The following NBPF20 variants were observed in gnomAD, a reference collection of about 807,000 sequenced individuals.
NBPF20 encodes the protein NBPF member 20, also known as NBPF family member NBPF20.
Under a neutral mutation model 68.1 loss-of-function variants are expected in NBPF20, and 90 were observed. The observed-to-expected ratio is 1.32, with a 90% CI of 1.11 to 1.58. NBPF20 has a LOEUF of 1.58. Among genes scored for constraint, NBPF20 ranks in the 40% most tolerant of loss-of-function variants. The pLI, the probability that NBPF20 is intolerant of heterozygous loss-of-function variation, is 0.00. For missense variants in NBPF20, 816 were observed against 601.2 expected, an observed-to-expected ratio of 1.36 and a Z score of -3.74; for synonymous variants, 290 against 228.1, an observed-to-expected ratio of 1.27 and a Z score of -2.45.
exon 138 of NBPF20, chr1:145,290,250 T>C (rs1450065191): frequency 6.7e-6 from 1 of 149,028 alleles, no homozygotes; most frequent in African/African-American, 2.6e-5. Flanking sequence ...TTTATACTCT[T>C]GAAAACCGCT....
chr1:145,420,658 CCAGGACACCCT>C, the NBPF20 span, among the ~76,000 whole-genome samples: 2 of 94,552 alleles, frequency 2.1e-5, no homozygotes, highest in African/African-American at 4.3e-5. Context: ...CACTGAAGCT[CCAGGACACCCT>C]CAGGAGGACG....
chr1:145,403,771 T>A (rs371149913), intron 2 of NBPF20, among the ~76,000 whole-genome samples: 10 of 151,414 alleles, frequency 6.6e-5, no homozygotes, highest in South Asian at 2.1e-4. Context: ...GAAAGATTTT[T>A]AAAATCTTTG....
At chr1:145,410,145 A>G (rs1171425633), upstream of NBPF20, among the ~76,000 whole-genome samples, 2 of 151,992 alleles carry the variant, frequency 1.3e-5, no homozygotes, top group African/African-American at 4.8e-5. Flanking sequence ...TCCTACAAGT[A>G]TAAGACTTCC....
rs1352917751 is a variant in NBPF20, at chr1:145,291,852, G to A, written c.16698-83C>T. The A allele has an allele frequency of 5.0e-6, 8 of 1,607,922 alleles. No individual in the cohort carries two copies. The African/African-American group carries it at 8.1e-5, about 16-fold the overall frequency. On this transcript the variant is annotated intron_variant, in intron 137 of 137. Transcript: ENST00000369373. ...CCACTAGATTTCAGAAGTCACATAA[G>A]GAAGTGGTTAGAAAAGAAAAAGGAT...
chr1:145,342,788 C>T (rs1209555094), intron 73 of NBPF20, among the ~76,000 whole-genome samples: 2 of 116,470 alleles, frequency 1.7e-5, no homozygotes, highest in African/African-American at 3.6e-5. Flanking sequence ...CACACACACA[C>T]ACACACAGAC....
At chr1:145,390,088 C>G in exon 14 of NBPF20, 3 of 50,118 alleles carry the variant, frequency 6.0e-5, no homozygotes, top group South Asian at 3.3e-4. Context: ...ACTTCAGGCT[C>G]TACTACCTCC....
At chr1:145,403,983 C>T (rs1223129948) in intron 2 of NBPF20, among the ~76,000 whole-genome samples, 1 of 131,792 alleles carries the variant, frequency 7.6e-6, no homozygotes, top group Non-Finnish European at 1.6e-5. Context: ...CAAGAAATAG[C>T]TCATGTAATT....
rs1475961429 is a variant in NBPF20 at position 145,341,212 on chromosome 1, C to G, written c.9096-273G>C. Among the ~76,000 whole-genome samples the G allele has an allele frequency of 3.5e-5, 2 of 57,956 alleles. 1 individual carries two copies. The highest frequency in any genetic ancestry group is 8.5e-5 in the Non-Finnish European group (2 of 23,500). The allele number at this position is 57,956 out of a possible 152,430, so 38.0% of individuals were successfully genotyped here. ...CCTAGTGAATTGGCCAGGTGACATA[C>G]TGGTAAGGGAGTAAAAGGACACTCT... On this transcript the variant is annotated intron_variant, in intron 75 of 137. Transcript: ENST00000369373.
intron 7 of NBPF20, among the ~76,000 whole-genome samples, chr1:145,396,687 G>C (rs1252342735): frequency 6.7e-6 from 1 of 149,840 alleles, no homozygotes. Flanking sequence ...AAGAGAGTGG[G>C]AGCAATATTC....
chr1:145,410,136 CCTA>C (rs1381611688), upstream of NBPF20, among the ~76,000 whole-genome samples: 5 of 151,958 alleles, frequency 3.3e-5, no homozygotes, highest in African/African-American at 9.7e-5. Context: ...ATTTTTCATT[CCTA>C]CAAGTATAAG....
chr1:145,408,892 A>C (rs1423663796), upstream of NBPF20, among the ~76,000 whole-genome samples: 6 of 151,350 alleles, frequency 4.0e-5, no homozygotes, highest in African/African-American at 1.5e-4. Context: ...AGTATGGAGA[A>C]ATTAAGATGA....
At chr1:145,410,804 G>GTA in the NBPF20 span, among the ~76,000 whole-genome samples, 3 of 72,992 alleles carry the variant, frequency 4.1e-5, no homozygotes, top group Non-Finnish European at 8.6e-5. Context: ...ATACGTATAT[G>GTA]TATATATATA....
upstream of NBPF20, chr1:145,405,723 C>T (rs1417799263): frequency 8.0e-6 from 4 of 500,414 alleles, no homozygotes; most frequent in Admixed American, 7.2e-5. Flanking sequence ...TCTCAGTATT[C>T]GTGTACCCTT....
chr1:145,352,457 T>G (rs1661666756), intron 61 of NBPF20, among the ~76,000 whole-genome samples: 1 of 15,858 alleles, frequency 6.3e-5, no homozygotes, highest in Non-Finnish European at 1.2e-4. Flanking sequence ...ATGAAAAGAC[T>G]GTGCTCAATA....
rs587624086 is a variant in NBPF20 at position 145,292,271 on chromosome 1, G to A, written c.16697+110C>T. ...AAAACCAACAGCAATGACAGTAGGAGTAATTCAGCCTTCGTTGAAAACATG... is the reference window on the plus strand; with the variant it reads ...AAAACCAACAGCAATGACAGTAGGAATAATTCAGCCTTCGTTGAAAACATG... On this transcript the variant is annotated intron_variant, in intron 137 of 137. Coordinates refer to ENST00000369373, the Ensembl canonical transcript of NBPF20. 1.5e-5 allele frequency: 9 copies of A among 616,084 alleles called. No homozygotes were observed. In the East Asian group the frequency reaches 2.4e-4, roughly 17 times the overall value. 38.2% of individuals were successfully genotyped at this position (616,084 alleles called of 1,614,324 possible). A position where few individuals can be genotyped will look rare whatever the true frequency, so the allele number is the denominator to read the frequency against.
At chr1:145,424,667 T>C in the NBPF20 span, among the ~76,000 whole-genome samples, 1 of 152,220 alleles carries the variant, frequency 6.6e-6, no homozygotes, top group East Asian at 1.9e-4. Context: ...TGGTTAACTC[T>C]TCGGAGAAAG....
At chr1:145,403,041 T>A (rs1451708131) in intron 3 of NBPF20, among the ~76,000 whole-genome samples, 175 bp downstream of exon 8, 7 of 152,126 alleles carry the variant, frequency 4.6e-5, no homozygotes, top group African/African-American at 1.4e-4. Context: ...CTGCAACCCA[T>A]ACATTTTTAT....
At chr1:145,408,684 G>A (rs1662900679), upstream of NBPF20, among the ~76,000 whole-genome samples, 1 of 151,814 alleles carries the variant, frequency 6.6e-6, no homozygotes, top group Admixed American at 6.6e-5. Flanking sequence ...TCAGAATTGT[G>A]TTGATGTAAT....
At chr1:145,291,092 A>G (rs1470262100) in exon 138 of NBPF20, 2 of 266,212 alleles carry the variant, frequency 7.5e-6, no homozygotes, top group East Asian at 1.9e-4. Flanking sequence ...TGGATCAGCT[A>G]AAACAAGCCA....
Sources: allele counts gnomAD v4.1 joint callset (sites outside exome capture counted in the v4.1 genomes callset), GRCh38; gene constraint gnomAD v4.1.1; transcripts MANE v1.5; gene names NCBI Gene and HGNC (gene_info 2026-07-23, HGNC 2026-07-21).